The following SPATA6L variants were observed in gnomAD, a reference collection of about 807,000 sequenced individuals.
The protein encoded by SPATA6L is spermatogenesis associated 6 like, also known as spermatogenesis associated 6-like protein.
In SPATA6L, 68 loss-of-function variants were observed where a neutral mutation model predicts 49.2. The ratio of observed to expected loss-of-function variants is 1.38; its 90% confidence interval spans 1.14 to 1.69. SPATA6L has a LOEUF of 1.69. Ranked by LOEUF, SPATA6L falls within the 40% of genes most tolerant of loss-of-function variation. The pLI is 0.00. For synonymous variants in SPATA6L, 198 were observed against 165.7 expected, an observed-to-expected ratio of 1.19 and a Z score of -1.50; for missense variants, 668 against 464.3, an observed-to-expected ratio of 1.44 and a Z score of -4.03.
At chr9:4,617,845 C>G in intron 9 of SPATA6L, 78 bp downstream of exon 9, 2 of 1,214,790 alleles carry the variant, frequency 1.6e-6, no homozygotes, top group East Asian at 5.1e-5. Flanking sequence ...AGAAAGGAAG[C>G]TGGTGAAATG....
At position 4,650,824 on chromosome 9, in the gene SPATA6L, TTGTGTGTGTG is replaced by T. The variant is rs59184426; in HGVS notation, c.226+5207_226+5216del. On this transcript the variant is annotated intron_variant, in intron 3 of 11. Coordinates refer to ENST00000682582, the MANE Select transcript of SPATA6L (RefSeq NM_001353486.2). ...ACAGGCAAGCACCACCAAACCCAGC[TTGTGTGTGTG>T]TGTGTGTGTGTGTGTGTGTGTGTGT... Among the ~76,000 whole-genome samples, 845 of 137,126 alleles carry T rather than the reference TTGTGTGTGTG, an allele frequency of 6.2e-3. 4 individuals are homozygous for T. The highest frequency in any genetic ancestry group is 0.016 in the African/African-American group (578 of 36,754). 90.0% of individuals were successfully genotyped at this position (137,126 alleles called of 152,430 possible).
At chr9:4,616,910 T>C (rs552310134) in intron 9 of SPATA6L, among the ~76,000 whole-genome samples, 2 of 152,338 alleles carry the variant, frequency 1.3e-5, no homozygotes, top group East Asian at 3.9e-4. Context: ...AAAATCTATG[T>C]TGTATTATTT....
Position 4,661,765 on chromosome 9 carries a change from C to CTTCA in SPATA6L, c.177+133_177+134insTGAA, listed in dbSNP as rs1554615841. On this transcript the variant is annotated intron_variant, in intron 2 of 11. Transcript: ENST00000682582. ...AGCAAGTGTTCCGACTGCGGTTTTGCATTGTGCTGAAGTGCTTTCGGATAA... is the reference window on the plus strand; with the variant it reads ...AGCAAGTGTTCCGACTGCGGTTTTGCTTCAATTGTGCTGAAGTGCTTTCGGATAA... 373 of 1,219,058 alleles carry CTTCA rather than the reference C, an allele frequency of 3.1e-4. No homozygotes were observed. The East Asian group carries it at 3.5e-3, about 11-fold the overall frequency. The allele number at this position is 1,219,058 out of a possible 1,614,324, so 75.5% of individuals were successfully genotyped here.
At chr9:4,647,118 A>G (rs1835577529) in intron 3 of SPATA6L, among the ~76,000 whole-genome samples, 1 of 152,200 alleles carries the variant, frequency 6.6e-6, no homozygotes, top group Admixed American at 6.5e-5. Context: ...AAAAAGATGC[A>G]ATATTTGTCT....
intron 9 of SPATA6L, among the ~76,000 whole-genome samples, chr9:4,609,660 C>G (rs928947322): frequency 2.0e-4 from 30 of 151,548 alleles, no homozygotes; most frequent in African/African-American, 7.3e-4. Flanking sequence ...ATAATAAGAG[C>G]TATCTGTGAC....
chr9:4,608,702 C>T (rs1362061799), intron 9 of SPATA6L, among the ~76,000 whole-genome samples: 1 of 149,924 alleles, frequency 6.7e-6, no homozygotes, highest in Non-Finnish European at 1.5e-5. Context: ...AGGAAAGATC[C>T]AAAATTGACA....
intron 3 of SPATA6L, among the ~76,000 whole-genome samples, chr9:4,641,827 C>CA (rs1834101461): frequency 1.3e-5 from 2 of 152,234 alleles, no homozygotes; most frequent in Non-Finnish European, 2.9e-5. Flanking sequence ...AGCTGGAGTG[C>CA]AGTGGCAAGA....
chr9:4,663,465 A>T (rs1201593738), intron 1 of SPATA6L: 1 of 561,286 alleles, frequency 1.8e-6, no homozygotes, highest in East Asian at 2.9e-5. Context: ...AGGGAAAGCA[A>T]AAAAACCCAA....
At chr9:4,645,960 T>C (rs578032688) in intron 3 of SPATA6L, among the ~76,000 whole-genome samples, 2 of 152,312 alleles carry the variant, frequency 1.3e-5, no homozygotes, top group African/African-American at 4.8e-5. Flanking sequence ...GAATTGTACA[T>C]TTGAAAATGA....
At chr9:4,606,352 GACAA>G (rs1219457488) in intron 9 of SPATA6L, among the ~76,000 whole-genome samples, 3 of 138,644 alleles carry the variant, frequency 2.2e-5, no homozygotes, top group South Asian at 4.8e-4. Flanking sequence ...GCAGGGCACA[GACAA>G]ACAAAAAGAC....
intron 2 of SPATA6L, among the ~76,000 whole-genome samples, chr9:4,658,422 A>G (rs955133968): frequency 3.3e-5 from 5 of 152,242 alleles, no homozygotes; most frequent in Non-Finnish European, 7.3e-5. Flanking sequence ...AAGGAAACAG[A>G]TACAAGGAAG....
At chr9:4,606,721 C>A (rs549202056) in intron 9 of SPATA6L, among the ~76,000 whole-genome samples, 5 of 141,654 alleles carry the variant, frequency 3.5e-5, no homozygotes, top group Admixed American at 1.4e-4. Context: ...ACTGGAAACT[C>A]TAAAAAGCAG....
chr9:4,662,772 CT>C lies in SPATA6L; in HGVS notation c.40-737del. ...CTCGTCGTGGGGCAGCGTGCGACCC[CT>C]TATGAAGCTGCTGGAGATCTCGGGA... On this transcript the variant is annotated intron_variant, in intron 1 of 11. Coordinates refer to ENST00000682582, the MANE Select transcript of SPATA6L (RefSeq NM_001353486.2). This position sits in a 1 kb window ranked among gnomAD's most constrained non-coding sequence, Gnocchi z 4.9. The C allele has an allele frequency of 6.2e-7, 1 of 1,605,138 alleles. No individual in the cohort carries two copies. The highest frequency in any genetic ancestry group is 8.5e-7 in the Non-Finnish European group (1 of 1,179,936).
chr9:4,609,971 C>T (rs1301796876), intron 9 of SPATA6L, among the ~76,000 whole-genome samples: 1 of 151,870 alleles, frequency 6.6e-6, no homozygotes. Context: ...AATCAATGTA[C>T]AAAAATCACA....
At position 4,592,046 on chromosome 9, in the gene SPATA6L, G is replaced by A. The variant is rs573927617; in HGVS notation, c.*255-3085C>T. 4.6e-5 allele frequency among the ~76,000 whole-genome samples: 7 copies of A among 152,318 alleles called. No individual in the cohort carries two copies. In the East Asian group the frequency reaches 1.4e-3, roughly 29 times the overall value. On this transcript the variant is annotated intron_variant and NMD_transcript_variant, in intron 13 of 13. Transcript: ENST00000461761. Reference sequence around the variant, plus strand: ...ACAGCAACAACAAGCCAAGCACAGTGGCTCACAGCTATAATCCCAGCACTT... The same window carrying A: ...ACAGCAACAACAAGCCAAGCACAGTAGCTCACAGCTATAATCCCAGCACTT...
intron 9 of SPATA6L, among the ~76,000 whole-genome samples, chr9:4,605,854 G>A (rs12341739): frequency 1.3e-5 from 2 of 152,222 alleles, no homozygotes; most frequent in African/African-American, 4.8e-5. Context: ...CTCCCAGCGT[G>A]AGCGACGCAG....
intron 4 of SPATA6L, among the ~76,000 whole-genome samples, chr9:4,634,801 C>T (rs914890371): frequency 6.6e-6 from 1 of 152,140 alleles, no homozygotes; most frequent in Admixed American, 6.6e-5. Flanking sequence ...TCTGCTACAT[C>T]CTTCAAGATC....
At chr9:4,650,602 A>G (rs1233452902) in intron 3 of SPATA6L, among the ~76,000 whole-genome samples, 1 of 152,220 alleles carries the variant, frequency 6.6e-6, no homozygotes, top group African/African-American at 2.4e-5. Flanking sequence ...AAAAGACTCA[A>G]ATTACTAAAA....
rs549996057 is a variant in SPATA6L at position 4,665,666 on chromosome 9, T to A, written c.39+546A>T. Among the ~76,000 whole-genome samples, 11 of 152,286 alleles carry A rather than the reference T, an allele frequency of 7.2e-5. No individual in the cohort carries two copies. In the East Asian group the frequency reaches 1.9e-3, roughly 27 times the overall value. On this transcript the variant is annotated intron_variant, in intron 1 of 11. Transcript: ENST00000682582. ...GTGACAGACCCCCAAGTAGAAACCA[T>A]GGAGTCACTCTGCCACAGCACTTCA...
Sources: allele counts gnomAD v4.1 joint callset (sites outside exome capture counted in the v4.1 genomes callset), GRCh38; gene constraint gnomAD v4.1.1; non-coding constraint Gnocchi (gnomAD v3.1); transcripts MANE v1.5; gene names NCBI Gene and HGNC (gene_info 2026-07-23, HGNC 2026-07-21).